The following ERBB4 variants were observed in gnomAD, a reference collection of about 807,000 sequenced individuals.
ERBB4 encodes the protein receptor tyrosine-protein kinase erbB-4.
Under a neutral mutation model 158.0 loss-of-function variants are expected in ERBB4, and 42 were observed. The observed-to-expected ratio is 0.27, with a 90% CI of 0.21 to 0.34. The LOEUF is 0.34. Ranked by LOEUF, ERBB4 falls within the 10% of genes least tolerant of loss-of-function variation. The pLI, the probability that ERBB4 is intolerant of heterozygous loss-of-function variation, is 1.00. For missense variants in ERBB4, 1,333 were observed against 1,624.1 expected (o/e 0.82, Z 3.08); for synonymous variants, 583 against 558.7 (o/e 1.04, Z -0.61).
chr2:211,895,669 A>T (rs187128124), intron 3 of ERBB4, among the ~76,000 whole-genome samples: 1 of 152,250 alleles, frequency 6.6e-6, no homozygotes, highest in African/African-American at 2.4e-5. Flanking sequence ...CTTTAACCTT[A>T]CATACATCTC....
At chr2:211,689,359 T>C (rs1205809867) in intron 12 of ERBB4, among the ~76,000 whole-genome samples, 2 of 152,116 alleles carry the variant, frequency 1.3e-5, no homozygotes, top group African/African-American at 4.8e-5. Flanking sequence ...GACACCTGGC[T>C]ACTTTTTTGT....
At chr2:211,478,649 C>A (rs1459310909) in intron 20 of ERBB4, among the ~76,000 whole-genome samples, 1 of 151,764 alleles carries the variant, frequency 6.6e-6, no homozygotes, top group Non-Finnish European at 1.5e-5. Context: ...TGAATCTACT[C>A]ACTTCTCTCC....
At chr2:212,081,177 A>G (rs2078431628) in intron 2 of ERBB4, among the ~76,000 whole-genome samples, 1 of 152,168 alleles carries the variant, frequency 6.6e-6, no homozygotes, top group Non-Finnish European at 1.5e-5. Context: ...CTATAAATCC[A>G]TTGCTGAAGC....
intron 1 of ERBB4, among the ~76,000 whole-genome samples, chr2:212,171,653 A>G (rs1226547217): frequency 6.6e-6 from 1 of 152,108 alleles, no homozygotes; most frequent in Non-Finnish European, 1.5e-5. Flanking sequence ...ATAGTGAGCT[A>G]GTTCTCATGA....
At chr2:211,541,514 T>G (rs1231152910) in intron 20 of ERBB4, among the ~76,000 whole-genome samples, 1 of 152,038 alleles carries the variant, frequency 6.6e-6, no homozygotes, top group Admixed American at 6.6e-5. Context: ...ATGTAGCTGC[T>G]GCCCTTTTCT....
intron 19 of ERBB4, among the ~76,000 whole-genome samples, chr2:211,583,299 G>C (rs1220390979): frequency 6.6e-6 from 1 of 151,884 alleles, no homozygotes; most frequent in Non-Finnish European, 1.5e-5. Flanking sequence ...AAATTTTCAT[G>C]TTTTCAATGT....
intron 1 of ERBB4, among the ~76,000 whole-genome samples, chr2:212,500,219 G>A (rs1418480817): frequency 6.6e-6 from 1 of 152,008 alleles, no homozygotes; most frequent in Admixed American, 6.6e-5. Context: ...TGGCCTTTCT[G>A]TATTTATTTC....
chr2:212,481,634 A>G (rs13385257), intron 1 of ERBB4, among the ~76,000 whole-genome samples: 11,112 of 152,242 alleles, frequency 0.073, 591 homozygotes, highest in Non-Finnish European at 0.11. Flanking sequence ...AAGCTGCAGT[A>G]AGATTAAAGG....
At chr2:212,345,826 A>G (rs1382173779) in intron 1 of ERBB4, among the ~76,000 whole-genome samples, 1 of 152,182 alleles carries the variant, frequency 6.6e-6, no homozygotes, top group Non-Finnish European at 1.5e-5. Context: ...AATTTCCCCA[A>G]TCAATCTATG....
intron 19 of ERBB4, among the ~76,000 whole-genome samples, chr2:211,593,495 T>C (rs541846550): frequency 6.0e-4 from 91 of 152,280 alleles, no homozygotes; most frequent in Admixed American, 2.1e-3. Flanking sequence ...AAGTTGTATC[T>C]CTTTCACATC....
At chr2:212,244,222 T>G (rs1353889722) in intron 1 of ERBB4, among the ~76,000 whole-genome samples, 1 of 152,082 alleles carries the variant, frequency 6.6e-6, no homozygotes, top group Non-Finnish European at 1.5e-5. Context: ...TGGAAGAAAA[T>G]AAATAATGAA....
intron 1 of ERBB4, among the ~76,000 whole-genome samples, chr2:212,251,861 G>C (rs1170191815): frequency 6.6e-6 from 1 of 151,970 alleles, no homozygotes; most frequent in Non-Finnish European, 1.5e-5. Flanking sequence ...CCACTAACCA[G>C]AGGAGTGCCA....
chr2:212,122,056 T>C (rs955203705), intron 2 of ERBB4, among the ~76,000 whole-genome samples: 1 of 150,518 alleles, frequency 6.6e-6, no homozygotes, highest in African/African-American at 2.4e-5. Context: ...TATATATATA[T>C]ATATGTATAT....
At position 212,528,160 on chromosome 2, in the gene ERBB4, T is replaced by C. The variant is rs149196131; in HGVS notation, c.82+10289A>G. Among the ~76,000 whole-genome samples, 604 of 152,132 alleles carry C rather than the reference T, an allele frequency of 4.0e-3. 6 individuals are homozygous for C. Among genetic ancestry groups the C allele is most frequent in the African/African-American group, 0.014 (572 of 41,502 alleles). ...TTAGACAAGTTTCTTCATGTAGCTA[T>C]AGGGAAAGCAAAAAGAGCTGCTGAC... On this transcript the variant is annotated intron_variant, in intron 1 of 27. Coordinates refer to ENST00000342788, the MANE Select transcript of ERBB4 (RefSeq NM_005235.3).
chr2:211,387,104 A>C lies in ERBB4; in HGVS notation c.3230T>G (p.Val1077Gly), dbSNP rs1468024525. 6.2e-7 allele frequency: 1 copy of C among 1,613,840 alleles called. No individual in the cohort carries two copies. Among genetic ancestry groups the C allele is most frequent in the Admixed American group, 1.7e-5 (1 of 60,008 alleles). The change falls in exon 27 of 28, where the codon GTG becomes GGG. Residue 1077 changes from valine (V) to glycine (G), a missense_variant. By Grantham distance (109) the Val-to-Gly change is moderately radical. Transcript: ENST00000342788. ...AGTTGGGGCTCTGTAGGGCACAGACACTCCTTGTTCAGCAGCAAAACCTCC... is the reference window on the plus strand; with the variant it reads ...AGTTGGGGCTCTGTAGGGCACAGACCCTCCTTGTTCAGCAGCAAAACCTCC... The part of the protein sequence containing the change: ...RDGGFAAEQG[V>G]SVPYRAPTST...
At chr2:211,887,660 A>G (rs181434360) in intron 3 of ERBB4, among the ~76,000 whole-genome samples, 63 of 152,290 alleles carry the variant, frequency 4.1e-4, no homozygotes, top group Non-Finnish European at 8.2e-4. Flanking sequence ...ATATTCAGGA[A>G]CCCAGTAACT....
intron 5 of ERBB4, among the ~76,000 whole-genome samples, chr2:211,742,925 A>T (rs2074844912): frequency 6.6e-6 from 1 of 152,054 alleles, no homozygotes. Flanking sequence ...TACTTATGAT[A>T]GTCTAGGAAG....
chr2:212,520,446 G>A (rs1371644694), intron 1 of ERBB4, among the ~76,000 whole-genome samples: 1 of 151,834 alleles, frequency 6.6e-6, no homozygotes, highest in Non-Finnish European at 1.5e-5. Flanking sequence ...ACATTAAAAG[G>A]TTTTTATCTT....
chr2:212,208,818 C>T (rs1033075746), intron 1 of ERBB4, among the ~76,000 whole-genome samples: 1 of 152,160 alleles, frequency 6.6e-6, no homozygotes, highest in Non-Finnish European at 1.5e-5. Context: ...TATCTAACCC[C>T]TTATTCCATA....
Sources: gnomAD v4.1 joint callset for allele counts (sites outside exome capture counted in the v4.1 genomes callset) on GRCh38, gnomAD v4.1.1 for gene constraint, MANE v1.5 for transcripts, NCBI Gene and HGNC (gene_info 2026-07-23, HGNC 2026-07-21) for gene names.